The following C12orf42 variants were observed in gnomAD, a reference collection of about 807,000 sequenced individuals.
C12orf42 encodes the protein chromosome 12 open reading frame 42.
In C12orf42, 25 loss-of-function variants were observed where a neutral mutation model predicts 21.6. That is an observed-to-expected ratio of 1.16 (90% CI 0.84 to 1.62). C12orf42 has a LOEUF of 1.62. Among genes scored for constraint, C12orf42 ranks in the 40% most tolerant of loss-of-function variants. C12orf42 has a pLI of 0.00. For missense variants in C12orf42, 483 were observed against 459.3 expected, an observed-to-expected ratio of 1.05 and a Z score of -0.47; for synonymous variants, 174 against 175.0, an observed-to-expected ratio of 0.99 and a Z score of 0.05.
intron 1 of C12orf42, among the ~76,000 whole-genome samples, chr12:103,481,490 C>T (rs1015893914): frequency 1.1e-4 from 16 of 151,858 alleles, no homozygotes; most frequent in Admixed American, 9.2e-4. Flanking sequence ...GGACAGAAGT[C>T]GAATGCTGAA....
chr12:103,051,081 T>A, the C12orf42 span, among the ~76,000 whole-genome samples: 2 of 152,190 alleles, frequency 1.3e-5, no homozygotes, highest in East Asian at 3.8e-4. Context: ...ACTAAAAGTG[T>A]TCTGTAATGA....
chr12:103,364,449 C>A (rs535710984), intron 4 of C12orf42, among the ~76,000 whole-genome samples: 1 of 151,502 alleles, frequency 6.6e-6, no homozygotes, highest in African/African-American at 2.4e-5. Flanking sequence ...GAAAAAAGAA[C>A]AAACCAAACC....
intron 3 of C12orf42, among the ~76,000 whole-genome samples, chr12:103,399,498 CA>C (rs142785857): frequency 0.029 from 2,345 of 81,620 alleles, 14 homozygotes; most frequent in Middle Eastern, 0.057. Context: ...CCAGCAAACT[CA>C]AAAAAAAAAA....
At chr12:103,514,160 C>T in the C12orf42 span, among the ~76,000 whole-genome samples, 1 of 152,144 alleles carries the variant, frequency 6.6e-6, no homozygotes, top group African/African-American at 2.4e-5. Flanking sequence ...CTTATAAAAC[C>T]ATCAGATCTC....
the C12orf42 span, among the ~76,000 whole-genome samples, chr12:103,051,213 A>G: frequency 1.3e-5 from 2 of 152,224 alleles, no homozygotes; most frequent in Non-Finnish European, 2.9e-5. Flanking sequence ...TTAGACCTCA[A>G]CTGTGCTTCT....
chr12:103,153,430 C>T, the C12orf42 span, among the ~76,000 whole-genome samples: 1 of 152,018 alleles, frequency 6.6e-6, no homozygotes, highest in African/African-American at 2.4e-5. Flanking sequence ...TAAATATATT[C>T]AACAAATAAC....
At chr12:103,226,064 C>T in the C12orf42 span, among the ~76,000 whole-genome samples, 2 of 152,186 alleles carry the variant, frequency 1.3e-5, no homozygotes, top group Non-Finnish European at 2.9e-5. Context: ...TGGGGTCCCA[C>T]ACAGATGGGA....
chr12:103,254,474 T>C (rs1002545909), intron 10 of C12orf42, among the ~76,000 whole-genome samples: 4 of 152,174 alleles, frequency 2.6e-5, no homozygotes, highest in Admixed American at 1.3e-4. Flanking sequence ...ACTACGAGGC[T>C]ACAGTAACCA....
the C12orf42 span, among the ~76,000 whole-genome samples, chr12:103,100,558 C>T: frequency 6.6e-6 from 1 of 152,206 alleles, no homozygotes; most frequent in East Asian, 1.9e-4. Context: ...AGGCCCAGAA[C>T]CACCCGGACA....
chr12:103,147,493 C>CTTTTTTTTTTTTTT, the C12orf42 span, among the ~76,000 whole-genome samples: 1 of 84,988 alleles, frequency 1.2e-5, no homozygotes, highest in Non-Finnish European at 2.2e-5. Context: ...TTCTTTTTTT[C>CTTTTTTTTTTTTTT]TTTTTTTTTC....
chr12:103,477,700 C>T (rs1008750184), intron 2 of C12orf42, among the ~76,000 whole-genome samples: 1 of 152,024 alleles, frequency 6.6e-6, no homozygotes, highest in African/African-American at 2.4e-5. Context: ...ATTCAGACAG[C>T]CTTCAGAAGC....
chr12:103,562,976 A>C, the C12orf42 span, among the ~76,000 whole-genome samples: 1 of 152,346 alleles, frequency 6.6e-6, no homozygotes, highest in Non-Finnish European at 1.5e-5. Flanking sequence ...AGCTACTTAA[A>C]ATATGTCAAT....
the C12orf42 span, among the ~76,000 whole-genome samples, chr12:103,205,122 A>T: frequency 6.6e-6 from 1 of 152,230 alleles, no homozygotes; most frequent in Non-Finnish European, 1.5e-5. Flanking sequence ...GATGACAATC[A>T]AAAATAGTAA....
chr12:103,261,476 CA>C (rs200549825), intron 10 of C12orf42, among the ~76,000 whole-genome samples: 8,810 of 78,692 alleles, frequency 0.11, 558 homozygotes, highest in African/African-American at 0.27. Flanking sequence ...GAGACTCTTT[CA>C]AAAAAAAAAA....
chr12:103,240,421 A>G (rs1173400351), intron 10 of C12orf42, among the ~76,000 whole-genome samples: 1 of 152,200 alleles, frequency 6.6e-6, no homozygotes, highest in Non-Finnish European at 1.5e-5. Flanking sequence ...CATGCTAGCA[A>G]GTCATGATGC....
At chr12:103,317,031 GC>G (rs1263310666) in intron 4 of C12orf42, among the ~76,000 whole-genome samples, 1 of 152,112 alleles carries the variant, frequency 6.6e-6, no homozygotes, top group Non-Finnish European at 1.5e-5. Flanking sequence ...ACAGTGGCTT[GC>G]CCCCATCAAA....
intron 2 of C12orf42, among the ~76,000 whole-genome samples, chr12:103,469,335 AT>A (rs1400744564): frequency 3.3e-5 from 5 of 152,258 alleles, no homozygotes; most frequent in Admixed American, 3.3e-4. Flanking sequence ...GATTATAAAA[AT>A]AATACACATT....
At chr12:103,068,948 T>C in the C12orf42 span, among the ~76,000 whole-genome samples, 1 of 63,282 alleles carries the variant, frequency 1.6e-5, no homozygotes, top group Non-Finnish European at 3.0e-5. Context: ...TATATATATA[T>C]ATATATATAT....
chr12:103,348,861 T>C (rs528123708), intron 4 of C12orf42, among the ~76,000 whole-genome samples: 31 of 152,236 alleles, frequency 2.0e-4, no homozygotes, highest in African/African-American at 7.5e-4. Context: ...GGAAATTAAA[T>C]GTCCAATAGC....
Sources: allele counts gnomAD v4.1 joint callset (sites outside exome capture counted in the v4.1 genomes callset), GRCh38; gene constraint gnomAD v4.1.1; transcripts MANE v1.5; gene names NCBI Gene and HGNC (gene_info 2026-07-23, HGNC 2026-07-21).